The following MORC2 variants were observed in gnomAD, a reference collection of about 807,000 sequenced individuals.
MORC2 encodes MORC family CW-type zinc finger 2.
MORC2 carries 30 observed loss-of-function variants against 136.0 expected under a neutral mutation model. The ratio of observed to expected loss-of-function variants is 0.22; its 90% CI spans 0.17 to 0.30. The LOEUF (loss-of-function observed/expected upper bound fraction) is 0.30, where lower values mean the gene tolerates loss of function less well. MORC2 is among the 10% of genes least tolerant of loss of function. MORC2 has a pLI of 1.00. For synonymous variants in MORC2, 439 were observed against 487.0 expected (o/e 0.90, Z 1.30); for missense variants, 922 against 1,333.1 (o/e 0.69, Z 4.80).
rs745740515 is a variant in MORC2 at position 30,941,364 on chromosome 22, T to C, written c.824+69A>G. On this transcript the variant is annotated intron_variant, in intron 9 of 25. Transcript: ENST00000397641. This position sits in a 1 kb window ranked among gnomAD's most constrained non-coding sequence, Gnocchi z 4.6. ...CTCTTATACAGCATCCCTCTAACAA[T>C]GCCCCAGAGAAACGCGGCCACATCC... The C allele has an allele frequency of 2.8e-5, 45 of 1,583,934 alleles. No homozygotes were observed. Among genetic ancestry groups the C allele is most frequent in the Non-Finnish European group, 3.7e-5 (43 of 1,164,052 alleles).
intron 17 of MORC2, among the ~76,000 whole-genome samples, chr22:30,936,072 A>G (rs998335846): frequency 1.3e-5 from 2 of 152,222 alleles, no homozygotes; most frequent in African/African-American, 4.8e-5. Context: ...AAAGTCATCA[A>G]AACAATTATG....
intron 6 of MORC2, 71 bp from the exon 7 acceptor site, chr22:30,942,342 T>G: frequency 3.3e-6 from 5 of 1,510,378 alleles, no homozygotes; most frequent in Non-Finnish European, 4.5e-6. Flanking sequence ...TGTGCATCTC[T>G]CTTGTCCCTC....
chr22:30,933,095 A>G, intron 21 of MORC2, 65 bp from the exon 22 acceptor site: 2 of 1,596,164 alleles, frequency 1.3e-6, no homozygotes, highest in Non-Finnish European at 1.7e-6. Flanking sequence ...GGCCTGGGCC[A>G]CATCGAGAAA....
chr22:30,927,992 C>CTGCA, intron 25 of MORC2, 27 bp downstream of exon 25: 1 of 1,611,720 alleles, frequency 6.2e-7, no homozygotes, highest in Admixed American at 1.7e-5. Context: ...GGTGGTCCAG[C>CTGCA]TGCAACAGGA....
chr22:30,954,188 G>A (rs1478479185), intron 3 of MORC2, among the ~76,000 whole-genome samples: 8 of 152,006 alleles, frequency 5.3e-5, no homozygotes, highest in African/African-American at 9.7e-5. Context: ...TCAGCTGCTC[G>A]GGAGGCTGAG....
chr22:30,932,469 C>CT lies in MORC2; in HGVS notation c.2748-18_2748-17insA, dbSNP rs776025570. ...AAACAATTCCTAAAGAAGGCAGGGA[C>CT]AGTAATTCAGAATGGCATGGAGCAG... On this transcript the variant is annotated splice_polypyrimidine_tract_variant and intron_variant, in intron 23 of 25. Transcript: ENST00000397641. The surrounding 1 kb of genome is among the most constrained non-coding windows in gnomAD (Gnocchi z 4.4). The CT allele has an allele frequency of 1.2e-6, 2 of 1,613,172 alleles. No individual in the cohort carries two copies. The highest frequency in any genetic ancestry group is 1.7e-6 in the Non-Finnish European group (2 of 1,179,246).
intron 5 of MORC2, 73 bp from the exon 6 acceptor site, chr22:30,946,522 T>A: frequency 7.5e-7 from 1 of 1,335,088 alleles, no homozygotes; most frequent in Non-Finnish European, 1.0e-6. Context: ...ATCAATCCAC[T>A]CTGGACATGA....
chr22:30,958,811 G>T, intron 1 of MORC2, 117 bp from the exon 2 acceptor site: 2 of 910,816 alleles, frequency 2.2e-6, no homozygotes, highest in African/African-American at 1.7e-5. Context: ...ACCACCATTT[G>T]CATTGTTTTT....
intron 3 of MORC2, among the ~76,000 whole-genome samples, chr22:30,952,407 T>C (rs1420018620): frequency 2.6e-5 from 4 of 152,246 alleles, no homozygotes; most frequent in Admixed American, 1.3e-4. Flanking sequence ...TTCTAGGCTC[T>C]TGTGTTAGGA....
At chr22:30,927,285 G>C (rs1602470761) in intron 25 of MORC2, among the ~76,000 whole-genome samples, 1 of 151,938 alleles carries the variant, frequency 6.6e-6, no homozygotes, top group South Asian at 2.1e-4. Context: ...GTACATGTCT[G>C]AGACTGAAAA....
chr22:30,960,854 T>C (rs2041034558), intron 1 of MORC2, among the ~76,000 whole-genome samples: 1 of 149,018 alleles, frequency 6.7e-6, no homozygotes. Context: ...TATTTTGTTG[T>C]TGTTGTTGTT....
intron 20 of MORC2, 124 bp downstream of exon 20, chr22:30,933,936 A>C (rs1013459416): frequency 2.7e-5 from 31 of 1,147,260 alleles, no homozygotes; most frequent in Non-Finnish European, 2.9e-5. Flanking sequence ...GGGGGGGTAG[A>C]CTGCTGGTGG....
At chr22:30,966,838 G>T (rs2041135719) in intron 1 of MORC2, among the ~76,000 whole-genome samples, 1 of 152,118 alleles carries the variant, frequency 6.6e-6, no homozygotes, top group African/African-American at 2.4e-5. Context: ...TTGACAGTTT[G>T]CTTCACTACT....
chr22:30,926,860 G>T lies in MORC2; in HGVS notation c.3042C>A (p.Ile1014=). 6.2e-7 allele frequency: 1 copy of T among 1,613,550 alleles called. No individual in the cohort carries two copies. Among genetic ancestry groups the T allele is most frequent in the South Asian group, 1.1e-5 (1 of 91,038 alleles). The change falls in exon 26 of 26, where the codon ATC becomes ATA. Residue 1014 remains isoleucine (I), a synonymous_variant. Coordinates refer to ENST00000397641, the MANE Select transcript of MORC2 (RefSeq NM_001303256.3). Reference sequence around the variant, plus strand: ...AGGCGTCCAGCTCATCATCTGTGTTGATGTCTATGTCCTGGAATAGAGCAG... The same window carrying T: ...AGGCGTCCAGCTCATCATCTGTGTTTATGTCTATGTCCTGGAATAGAGCAG... ...LLQKVQEDID[I]NTDDELDAYI...
intron 1 of MORC2, among the ~76,000 whole-genome samples, chr22:30,965,756 G>C (rs773473409): frequency 6.6e-6 from 1 of 152,290 alleles, no homozygotes; most frequent in South Asian, 2.1e-4. Context: ...AATAGCAAAG[G>C]GGGAAAAAGA....
chr22:30,967,975 T>C lies in MORC2; in HGVS notation c.-86A>G. 8.2e-7 allele frequency: 1 copy of C among 1,222,868 alleles called. No homozygotes were observed. The highest frequency in any genetic ancestry group is 1.2e-6 in the Non-Finnish European group (1 of 850,252). The allele number at this position is 1,222,868 out of a possible 1,614,324, so 75.8% of individuals were successfully genotyped here. A position where few individuals can be genotyped will look rare whatever the true frequency, so the allele number is the denominator to read the frequency against. ...ATCGATTTCCCAGGATTCTGTCCAG[T>C]AAAGCTTCAGTAAGTCTGTGCTCCT... On this transcript the variant is annotated 5_prime_UTR_variant, in exon 1 of 26. Transcript: ENST00000397641.
At chr22:30,958,834 G>GC in intron 1 of MORC2, 140 bp from the exon 2 acceptor site, 1 of 637,060 alleles carries the variant, frequency 1.6e-6, no homozygotes, top group Non-Finnish European at 2.7e-6. Context: ...ACTACTCAAG[G>GC]CTTTCCAGAG....
intron 12 of MORC2, 65 bp from the exon 13 acceptor site, chr22:30,938,270 T>C: frequency 6.3e-7 from 1 of 1,577,270 alleles, no homozygotes. Flanking sequence ...GTGTTTAAGA[T>C]GTGTTAAGCT....
In MORC2 at chr22:30,961,829, C is replaced by T. The variant is rs1482035277; in HGVS notation, c.69-3135G>A. 4.2e-4 allele frequency among the ~76,000 whole-genome samples: 64 copies of T among 152,138 alleles called. 2 individuals are homozygous for T. Among genetic ancestry groups the T allele is most frequent in the Admixed American group, 4.2e-3 (64 of 15,278 alleles). ...AGCAATACATATTTTCCGATAGCAT[C>T]CCACAAGAATGAGAAATTTAGAATG... On this transcript the variant is annotated intron_variant, in intron 1 of 25. Coordinates refer to ENST00000397641, the MANE Select transcript of MORC2 (RefSeq NM_001303256.3).
Sources: gnomAD v4.1 joint callset for allele counts (sites outside exome capture counted in the v4.1 genomes callset) on GRCh38, gnomAD v4.1.1 for gene constraint, Gnocchi (gnomAD v3.1) non-coding constraint, MANE v1.5 for transcripts, NCBI Gene and HGNC (gene_info 2026-07-23, HGNC 2026-07-21) for gene names.